The following GPR39 variants were observed in gnomAD, a reference collection of about 807,000 sequenced individuals.
GPR39 encodes G protein-coupled receptor 39, also known as zinc sensing receptor.
A neutral mutation model predicts 18.4 loss-of-function variants in GPR39; 23 were observed. The observed-to-expected ratio is 1.25, with a 90% CI of 0.90 to 1.77. The LOEUF is 1.77. Among genes scored for constraint, GPR39 ranks in the 40% most tolerant of loss-of-function variants. The pLI is 0.00. For missense variants in GPR39, 647 were observed against 602.4 expected, an observed-to-expected ratio of 1.07 and a Z score of -0.78; for synonymous variants, 280 against 257.9, an observed-to-expected ratio of 1.09 and a Z score of -0.82.
chr2:132,558,725 T>A (rs1680197430), intron 1 of GPR39, among the ~76,000 whole-genome samples: 1 of 152,144 alleles, frequency 6.6e-6, no homozygotes, highest in African/African-American at 2.4e-5. Flanking sequence ...AGGTTATTTT[T>A]ATAGTATGGC....
intron 1 of GPR39, among the ~76,000 whole-genome samples, chr2:132,427,214 G>T (rs1312288950): frequency 7.0e-6 from 1 of 142,702 alleles, no homozygotes; most frequent in Non-Finnish European, 1.5e-5. Context: ...GCCCAGGCTG[G>T]AGTGCAGTGG....
At chr2:132,591,112 GC>G (rs1558850700) in intron 1 of GPR39, among the ~76,000 whole-genome samples, 1 of 150,846 alleles carries the variant, frequency 6.6e-6, no homozygotes. Flanking sequence ...TTAGCCGGGC[GC>G]GGTGGCGGGC....
At chr2:132,570,087 GC>G (rs1207507277) in intron 1 of GPR39, among the ~76,000 whole-genome samples, 1 of 152,122 alleles carries the variant, frequency 6.6e-6, no homozygotes, top group Non-Finnish European at 1.5e-5. Flanking sequence ...TCTCCAGTTG[GC>G]CCTGAGTGGT....
intron 1 of GPR39, among the ~76,000 whole-genome samples, chr2:132,454,223 A>G (rs1680680166): frequency 6.6e-6 from 1 of 151,912 alleles, no homozygotes; most frequent in South Asian, 2.1e-4. Flanking sequence ...ATTCCTAGGT[A>G]TTTTATTCTC....
chr2:132,620,446 T>A (rs1250385493), intron 1 of GPR39, among the ~76,000 whole-genome samples: 1 of 152,190 alleles, frequency 6.6e-6, no homozygotes. Context: ...CTCAGTTTCC[T>A]GGGACTGTGA....
chr2:132,622,981 G>A (rs1158256912), intron 1 of GPR39, among the ~76,000 whole-genome samples: 4 of 152,024 alleles, frequency 2.6e-5, no homozygotes, highest in East Asian at 1.9e-4. Context: ...GTGTGGTGGC[G>A]GGTGCCTGTA....
chr2:132,547,158 C>T (rs1215077336), intron 1 of GPR39, among the ~76,000 whole-genome samples: 2 of 152,288 alleles, frequency 1.3e-5, no homozygotes, highest in East Asian at 3.9e-4. Flanking sequence ...ATGGAATGGT[C>T]TCCTAACAGA....
chr2:132,492,512 T>TACCATATATATACACCATATATATAC (rs200718340), intron 1 of GPR39, among the ~76,000 whole-genome samples: 2 of 136,442 alleles, frequency 1.5e-5, no homozygotes, highest in Non-Finnish European at 3.1e-5. Context: ...ACACCATATA[T>TACCATATATATACACCATATATATAC]ACCATATATA....
intron 1 of GPR39, among the ~76,000 whole-genome samples, chr2:132,482,266 T>A (rs942334551): frequency 6.6e-6 from 1 of 152,260 alleles, no homozygotes. Context: ...TTCAGCCTGA[T>A]GGACCTGAGG....
At chr2:132,454,527 G>C (rs1432977507) in intron 1 of GPR39, among the ~76,000 whole-genome samples, 1 of 151,098 alleles carries the variant, frequency 6.6e-6, no homozygotes, top group African/African-American at 2.4e-5. Flanking sequence ...TGTTGAATAG[G>C]AGTGGTGAGA....
Position 132,634,151 on chromosome 2 carries a change from G to A in GPR39, c.857-10950G>A, listed in dbSNP as rs931910508. On this transcript the variant is annotated intron_variant, in intron 1 of 1. Coordinates refer to ENST00000329321, the MANE Select transcript of GPR39 (RefSeq NM_001508.3). ...GGAGCAGTGGTATGGTGATAGAGGTGGAGGTAAGAAAGATGGTGGTAGTGG... is the reference window on the plus strand; with the variant it reads ...GGAGCAGTGGTATGGTGATAGAGGTAGAGGTAAGAAAGATGGTGGTAGTGG... Among the ~76,000 whole-genome samples, 11 of 151,606 alleles carry A rather than the reference G, an allele frequency of 7.3e-5. No individual in the cohort carries two copies. In the East Asian group the frequency reaches 7.7e-4, roughly 11 times the overall value.
chr2:132,480,285 G>A (rs1271941801), intron 1 of GPR39, among the ~76,000 whole-genome samples: 3 of 152,206 alleles, frequency 2.0e-5, no homozygotes, highest in Admixed American at 2.0e-4. Context: ...TTGTTGTTCA[G>A]TGGGTAAAGA....
intron 1 of GPR39, among the ~76,000 whole-genome samples, chr2:132,493,039 A>ACAC (rs1218134915): frequency 4.0e-5 from 5 of 123,946 alleles, no homozygotes; most frequent in Non-Finnish European, 6.7e-5. Context: ...TACCATATAT[A>ACAC]TACCATATAT....
chr2:132,616,415 A>G (rs2104855132), intron 1 of GPR39, among the ~76,000 whole-genome samples: 2 of 152,288 alleles, frequency 1.3e-5, no homozygotes, highest in South Asian at 4.1e-4. Context: ...TGAATTTTTC[A>G]GCGACAGATT....
intron 1 of GPR39, among the ~76,000 whole-genome samples, chr2:132,456,624 T>G (rs1680733519): frequency 1.3e-5 from 2 of 152,252 alleles, no homozygotes; most frequent in South Asian, 4.1e-4. Context: ...TACCAGTTGT[T>G]TCTTTCCATG....
intron 1 of GPR39, among the ~76,000 whole-genome samples, chr2:132,624,263 T>C (rs903148616): frequency 3.9e-5 from 6 of 152,152 alleles, no homozygotes; most frequent in Admixed American, 2.0e-4. Context: ...AAATTTCCTC[T>C]TCCTGTAAGG....
rs992301012 is a variant in GPR39, at chr2:132,530,196, G to T, written c.856+112298G>T. Among the ~76,000 whole-genome samples the T allele has an allele frequency of 2.0e-5, 3 of 152,076 alleles. No individual in the cohort carries two copies. In the East Asian group the frequency reaches 5.8e-4, roughly 29 times the overall value. On this transcript the variant is annotated intron_variant, in intron 1 of 1. Coordinates refer to ENST00000329321, the MANE Select transcript of GPR39 (RefSeq NM_001508.3). Reference sequence around the variant, plus strand: ...GAGCTGAAAACCATGGCACAAGAACGATGTGACAAATGCACAAGCCTCAGT... The same window carrying T: ...GAGCTGAAAACCATGGCACAAGAACTATGTGACAAATGCACAAGCCTCAGT...
At chr2:132,526,436 T>C (rs1490397641) in intron 1 of GPR39, among the ~76,000 whole-genome samples, 1 of 152,186 alleles carries the variant, frequency 6.6e-6, no homozygotes, top group African/African-American at 2.4e-5. Flanking sequence ...CCAGTCCCAG[T>C]ATCTTCAAAG....
intron 1 of GPR39, among the ~76,000 whole-genome samples, chr2:132,623,338 G>A (rs535962383): frequency 2.0e-5 from 3 of 152,058 alleles, no homozygotes; most frequent in African/African-American, 2.4e-5. Context: ...TGGACTCCAC[G>A]CTCCTGATAC....
Sources: gnomAD v4.1 joint callset for allele counts (sites outside exome capture counted in the v4.1 genomes callset) on GRCh38, gnomAD v4.1.1 for gene constraint, MANE v1.5 for transcripts, NCBI Gene and HGNC (gene_info 2026-07-23, HGNC 2026-07-21) for gene names.